The following CADPS2 variants were observed in gnomAD, a reference collection of about 807,000 sequenced individuals.
CADPS2 encodes the protein calcium dependent secretion activator 2.
Under a neutral mutation model 172.5 loss-of-function variants are expected in CADPS2, and 93 were observed. The observed-to-expected ratio is 0.54, with a 90% CI of 0.46 to 0.64. The LOEUF (loss-of-function observed/expected upper bound fraction) is 0.64. Ranked by LOEUF, CADPS2 falls within the 30% of genes least tolerant of loss-of-function variation. The pLI is 0.00. For synonymous variants in CADPS2, 546 were observed against 555.2 expected (o/e 0.98, Z 0.23); for missense variants, 1,420 against 1,565.9 (o/e 0.91, Z 1.57).
At chr7:122,521,099 G>T (rs1471510374) in intron 8 of CADPS2, among the ~76,000 whole-genome samples, 1 of 152,036 alleles carries the variant, frequency 6.6e-6, no homozygotes, top group Non-Finnish European at 1.5e-5. Context: ...TCAATATATA[G>T]AGTAGTTTAG....
intron 2 of CADPS2, among the ~76,000 whole-genome samples, chr7:122,707,709 C>T (rs985064947): frequency 6.6e-6 from 1 of 151,610 alleles, no homozygotes; most frequent in Non-Finnish European, 1.5e-5. Context: ...TCTAAAGTAC[C>T]TCACTGAGAG....
At chr7:122,581,527 C>T (rs1010837024) in intron 6 of CADPS2, among the ~76,000 whole-genome samples, 3 of 152,022 alleles carry the variant, frequency 2.0e-5, no homozygotes, top group Admixed American at 6.6e-5. Context: ...TAAAAAATTG[C>T]ATGTTATGAG....
At chr7:122,877,504 C>A (rs1223278951) in intron 1 of CADPS2, among the ~76,000 whole-genome samples, 1 of 152,052 alleles carries the variant, frequency 6.6e-6, no homozygotes, top group Non-Finnish European at 1.5e-5. Context: ...CCTAGAAAAT[C>A]TAAAAGGATC....
At chr7:122,377,629 G>A (rs1178610914) in intron 25 of CADPS2, among the ~76,000 whole-genome samples, 1 of 152,112 alleles carries the variant, frequency 6.6e-6, no homozygotes, top group Non-Finnish European at 1.5e-5. Flanking sequence ...GTAGTGCGTT[G>A]ACTGCGTGGT....
At chr7:122,570,498 A>C (rs766626398) in intron 7 of CADPS2, among the ~76,000 whole-genome samples, 5 of 148,350 alleles carry the variant, frequency 3.4e-5, no homozygotes, top group African/African-American at 1.0e-4. Flanking sequence ...ATCTAGAACT[A>C]GAAATACCAT....
chr7:122,559,851 T>C (rs1587293121), intron 7 of CADPS2, among the ~76,000 whole-genome samples: 1 of 149,564 alleles, frequency 6.7e-6, no homozygotes, highest in East Asian at 2.0e-4. Context: ...TTTCTAGAGT[T>C]AGGAAAAGGG....
At chr7:122,658,699 C>T (rs1360458135) in intron 3 of CADPS2, among the ~76,000 whole-genome samples, 5 of 152,032 alleles carry the variant, frequency 3.3e-5, no homozygotes, top group Non-Finnish European at 7.3e-5. Context: ...AACACGTGGA[C>T]ACAGGAAGGG....
At chr7:122,732,375 T>TA (rs2091732425) in intron 2 of CADPS2, among the ~76,000 whole-genome samples, 1 of 151,094 alleles carries the variant, frequency 6.6e-6, no homozygotes, top group South Asian at 2.1e-4. Context: ...ATAGACTATA[T>TA]AGACCTACAA....
At chr7:122,545,294 T>C (rs920314067) in intron 8 of CADPS2, among the ~76,000 whole-genome samples, 8 of 152,134 alleles carry the variant, frequency 5.3e-5, no homozygotes, top group Middle Eastern at 3.2e-3. Context: ...ACACAGAAAA[T>C]AAACTGCCTC....
chr7:122,483,336 A>G (rs1249238841), intron 11 of CADPS2, among the ~76,000 whole-genome samples: 1 of 152,240 alleles, frequency 6.6e-6, no homozygotes, highest in Non-Finnish European at 1.5e-5. Context: ...TGCAAGCTAG[A>G]AGAAAGTGGA....
In CADPS2 at chr7:122,532,050, C is replaced by A. The variant is rs866627549; in HGVS notation, c.1476-18735G>T. ...CGTCTCAAAAAAAAAAAAAACAAAA[C>A]AAACAAACAAACAAAATACTGTTAG... On this transcript the variant is annotated intron_variant, in intron 8 of 29. Coordinates refer to ENST00000449022, the MANE Select transcript of CADPS2 (RefSeq NM_017954.11). 6.9e-3 allele frequency among the ~76,000 whole-genome samples: 1,038 copies of A among 150,088 alleles called. 14 individuals carry two copies. The highest frequency in any genetic ancestry group is 0.025 in the African/African-American group (1,002 of 40,818).
intron 9 of CADPS2, among the ~76,000 whole-genome samples, chr7:122,512,312 T>C (rs1368883994): frequency 6.6e-6 from 1 of 152,120 alleles, no homozygotes; most frequent in Non-Finnish European, 1.5e-5. Flanking sequence ...CCAGTTAAGC[T>C]TGTTTAATGT....
intron 8 of CADPS2, among the ~76,000 whole-genome samples, chr7:122,546,794 A>G (rs189073449): frequency 2.6e-5 from 4 of 152,178 alleles, no homozygotes; most frequent in Non-Finnish European, 5.9e-5. Context: ...TCCTCTCCGT[A>G]TACAGTCTAG....
At chr7:122,459,044 T>C (rs2054137381) in intron 14 of CADPS2, among the ~76,000 whole-genome samples, 1 of 151,854 alleles carries the variant, frequency 6.6e-6, no homozygotes, top group Non-Finnish European at 1.5e-5. Flanking sequence ...AAAATGAAAA[T>C]TTCCTATAAA....
chr7:122,494,270 T>G (rs554846635), intron 9 of CADPS2, among the ~76,000 whole-genome samples: 25 of 152,300 alleles, frequency 1.6e-4, no homozygotes, highest in African/African-American at 4.3e-4. Flanking sequence ...TGACTATTTT[T>G]TATGCATTCC....
chr7:122,410,705 C>T (rs2047199933), intron 19 of CADPS2, among the ~76,000 whole-genome samples: 1 of 145,660 alleles, frequency 6.9e-6, no homozygotes, highest in Non-Finnish European at 1.5e-5. Context: ...AATTGACTAC[C>T]GCAATCAGTA....
At chr7:122,880,558 T>C (rs538543350) in intron 1 of CADPS2, among the ~76,000 whole-genome samples, 1 of 152,272 alleles carries the variant, frequency 6.6e-6, no homozygotes, top group African/African-American at 2.4e-5. Flanking sequence ...AATAAGCCAT[T>C]TTTCTATATC....
chr7:122,823,463 A>C (rs1803979337), intron 1 of CADPS2, among the ~76,000 whole-genome samples: 1 of 151,778 alleles, frequency 6.6e-6, no homozygotes, highest in Admixed American at 6.6e-5. Flanking sequence ...TTACTATAAG[A>C]GTATTGGCTA....
At chr7:122,397,384 TAGAG>T (rs1377446705) in intron 20 of CADPS2, among the ~76,000 whole-genome samples, 2 of 134,166 alleles carry the variant, frequency 1.5e-5, no homozygotes, top group Non-Finnish European at 3.0e-5. Context: ...CATTGGTAAT[TAGAG>T]AGAAAGGGGA....
Sources: allele counts gnomAD v4.1 joint callset (sites outside exome capture counted in the v4.1 genomes callset), GRCh38; gene constraint gnomAD v4.1.1; transcripts MANE v1.5; gene names NCBI Gene and HGNC (gene_info 2026-07-23, HGNC 2026-07-21).